The following RAB38 variants were observed in gnomAD, a reference collection of about 807,000 sequenced individuals.
RAB38 encodes RAB38, member RAS oncogene family, also known as ras-related protein Rab-38.
Under a neutral mutation model 18.4 loss-of-function variants are expected in RAB38, and 15 were observed. The ratio of observed to expected loss-of-function variants is 0.82; its 90% confidence interval spans 0.55 to 1.26. The LOEUF is 1.26. Ranked by LOEUF, RAB38 falls within the 50% of genes most tolerant of loss-of-function variation. The pLI is 0.00. For missense variants in RAB38, 294 were observed against 267.4 expected, an observed-to-expected ratio of 1.10 and a Z score of -0.69; for synonymous variants, 101 against 104.4, an observed-to-expected ratio of 0.97 and a Z score of 0.20.
chr11:87,899,921 T>A, the RAB38 span, among the ~76,000 whole-genome samples: 2 of 151,536 alleles, frequency 1.3e-5, no homozygotes, highest in African/African-American at 4.8e-5. Flanking sequence ...GCTTTACCTC[T>A]GCAACAGGTA....
the RAB38 span, among the ~76,000 whole-genome samples, chr11:88,073,178 G>A: frequency 6.6e-6 from 1 of 152,114 alleles, no homozygotes; most frequent in Non-Finnish European, 1.5e-5. Flanking sequence ...AAAGTGCCTG[G>A]AGAGAGATAT....
intron 2 of RAB38, among the ~76,000 whole-genome samples, chr11:88,138,927 C>A (rs369293145): frequency 6.6e-6 from 1 of 151,916 alleles, no homozygotes; most frequent in Non-Finnish European, 1.5e-5. Flanking sequence ...GGACTACAGG[C>A]GCCCGCCACC....
chr11:88,004,699 T>C, the RAB38 span, among the ~76,000 whole-genome samples: 3 of 151,264 alleles, frequency 2.0e-5, no homozygotes, highest in South Asian at 6.2e-4. Flanking sequence ...AAAATTATCT[T>C]TATTTACATA....
intron 2 of RAB38, among the ~76,000 whole-genome samples, chr11:88,148,311 C>T (rs979765496): frequency 4.6e-5 from 7 of 152,170 alleles, no homozygotes; most frequent in African/African-American, 2.4e-5. Flanking sequence ...AAAGTGGCAC[C>T]ACTGCCCTTT....
the RAB38 span, among the ~76,000 whole-genome samples, chr11:87,878,213 A>G: frequency 8.4e-6 from 1 of 119,270 alleles, no homozygotes; most frequent in East Asian, 2.1e-4. Context: ...ACATATATAT[A>G]TATATATATA....
the RAB38 span, among the ~76,000 whole-genome samples, chr11:87,880,522 G>A: frequency 6.6e-6 from 1 of 151,772 alleles, no homozygotes; most frequent in East Asian, 2.0e-4. Flanking sequence ...CTGAAATTGT[G>A]GGGTTTGTTT....
chr11:87,957,921 T>G, the RAB38 span, among the ~76,000 whole-genome samples: 1 of 152,132 alleles, frequency 6.6e-6, no homozygotes, highest in Non-Finnish European at 1.5e-5. Flanking sequence ...ATCCCTGATA[T>G]GCTCATTTCT....
the RAB38 span, among the ~76,000 whole-genome samples, chr11:87,869,603 T>C: frequency 6.6e-6 from 1 of 151,730 alleles, no homozygotes; most frequent in Non-Finnish European, 1.5e-5. Flanking sequence ...TTTAGGTCTG[T>C]AGTCCTCGTT....
chr11:88,174,637 A>ACAAAAC (rs564724148), intron 1 of RAB38, among the ~76,000 whole-genome samples: 4 of 133,676 alleles, frequency 3.0e-5, no homozygotes, highest in Non-Finnish European at 4.7e-5. Context: ...AAAAAAAAAA[A>ACAAAAC]AAAACAAAAC....
chr11:88,054,136 A>G, the RAB38 span, among the ~76,000 whole-genome samples: 1 of 152,188 alleles, frequency 6.6e-6, no homozygotes, highest in East Asian at 1.9e-4. Flanking sequence ...CCACATCTCT[A>G]AGAACTTAGC....
intron 1 of RAB38, among the ~76,000 whole-genome samples, chr11:88,173,053 A>G (rs1943329658): frequency 6.6e-6 from 1 of 152,228 alleles, no homozygotes; most frequent in Non-Finnish European, 1.5e-5. Flanking sequence ...CTGCAACTTC[A>G]GTCTACAAAA....
the RAB38 span, among the ~76,000 whole-genome samples, chr11:88,081,442 G>A: frequency 2.0e-5 from 3 of 152,004 alleles, no homozygotes; most frequent in South Asian, 6.2e-4. Context: ...AGTTATAGAT[G>A]CCAGAAGTTA....
the RAB38 span, among the ~76,000 whole-genome samples, chr11:88,071,523 C>A: frequency 1.3e-5 from 2 of 152,098 alleles, no homozygotes; most frequent in Middle Eastern, 3.2e-3. Flanking sequence ...AAACCCTCTG[C>A]CACCTAAGAC....
the RAB38 span, among the ~76,000 whole-genome samples, chr11:87,949,768 T>A: frequency 2.6e-5 from 4 of 152,208 alleles, no homozygotes; most frequent in African/African-American, 9.6e-5. Flanking sequence ...TTTGTTATAA[T>A]TTTTGTTCTT....
chr11:87,849,449 A>T, the RAB38 span, among the ~76,000 whole-genome samples: 287 of 152,224 alleles, frequency 1.9e-3, no homozygotes, highest in African/African-American at 6.5e-3. Context: ...ATAAAAAGAG[A>T]TTAGAGCTTT....
chr11:88,151,329 C>G (rs2134829529), intron 1 of RAB38, among the ~76,000 whole-genome samples: 1 of 152,228 alleles, frequency 6.6e-6, no homozygotes, highest in South Asian at 2.1e-4. Context: ...GTTCTGAAAT[C>G]AGAGTTTCAG....
the RAB38 span, among the ~76,000 whole-genome samples, chr11:87,943,683 A>T: frequency 6.6e-6 from 1 of 152,090 alleles, no homozygotes; most frequent in African/African-American, 2.4e-5. Context: ...AGGGTAAATG[A>T]TTTTATTTAG....
In RAB38 at chr11:88,149,920, AAT is replaced by A; in HGVS notation, c.236_237del (p.Tyr79LeufsTer20). 6.2e-7 allele frequency: 1 copy of A among 1,613,972 alleles called. No homozygotes were observed. Among genetic ancestry groups the A allele is most frequent in the South Asian group, 1.1e-5 (1 of 91,056 alleles). On this transcript the variant is annotated frameshift_variant, in exon 2 of 3. Coordinates refer to ENST00000243662, the MANE Select transcript of RAB38 (RefSeq NM_022337.3). LOFTEE classifies it high-confidence loss of function. Reference sequence around the variant, plus strand: ...ATAAATGCACCCATAGCTTCTCGGTAATAGACCCTCGTCATGTTTCCAAATCT... The same window carrying A: ...ATAAATGCACCCATAGCTTCTCGGTAAGACCCTCGTCATGTTTCCAAATCT... Reference protein sequence around the residue: ...QERFGNMTRVYYREAMGAFIV... With the variant: ...QERFGNMTRVXYREAMGAFIV...
the RAB38 span, among the ~76,000 whole-genome samples, chr11:87,899,112 A>G: frequency 5.9e-5 from 9 of 151,662 alleles, no homozygotes; most frequent in African/African-American, 2.2e-4. Context: ...CTGCCTAAGG[A>G]AACAATAAAA....
Sources: allele counts gnomAD v4.1 joint callset (sites outside exome capture counted in the v4.1 genomes callset), GRCh38; gene constraint gnomAD v4.1.1; transcripts MANE v1.5; gene names NCBI Gene and HGNC (gene_info 2026-07-23, HGNC 2026-07-21).